AGT: variants seen among roughly 807,000 people sequenced by gnomAD.
AGT encodes the protein angiotensinogen.
AGT carries 26 observed loss-of-function variants against 28.1 expected under a neutral mutation model. That is an observed-to-expected ratio of 0.92 (90% CI 0.68 to 1.28). AGT has a LOEUF of 1.28. Among genes scored for constraint, AGT ranks in the 50% most tolerant of loss-of-function variants. The pLI is 0.00. For synonymous variants in AGT, 259 were observed against 259.6 expected, an observed-to-expected ratio of 1.00 and a Z score of 0.02; for missense variants, 596 against 592.3, an observed-to-expected ratio of 1.01 and a Z score of -0.06.
chr1:230,712,536 A>G (rs905352262), intron 1 of AGT, among the ~76,000 whole-genome samples: 4 of 152,160 alleles, frequency 2.6e-5, no homozygotes, highest in Non-Finnish European at 5.9e-5. Flanking sequence ...ACCAGTTCAC[A>G]CCTAATCTAG....
At chr1:230,719,125 T>G (rs1663795188), upstream of AGT, among the ~76,000 whole-genome samples, 1 of 152,178 alleles carries the variant, frequency 6.6e-6, no homozygotes, top group Non-Finnish European at 1.5e-5. Context: ...GTCGTTTCCA[T>G]ATCCTGGCTA....
At chr1:230,707,016 A>G (rs1430419872) in intron 2 of AGT, among the ~76,000 whole-genome samples, 2 of 152,228 alleles carry the variant, frequency 1.3e-5, no homozygotes, top group Non-Finnish European at 1.5e-5. Flanking sequence ...CGAGGGCTCC[A>G]TTCCTCAGCA....
In AGT at chr1:230,704,252, T is replaced by G; in HGVS notation, c.1183A>C (p.Ile395Leu). ...DLLAQAELPA[I>L]LHTELNLQKL... ...TGCAGGTTCAGCTCGGTGTGCAGAA[T>G]GGCGGGCAGCTCAGCCTGGGCGAGC... Residue 395 changes from isoleucine (I) to leucine (L), a missense_variant, in exon 4 of 5, where the codon ATT (isoleucine) becomes CTT (leucine). Coordinates refer to ENST00000366667, the MANE Select transcript of AGT (RefSeq NM_001384479.1). The G allele has an allele frequency of 3.7e-6, 6 of 1,614,216 alleles. No homozygotes were observed. The highest frequency in any genetic ancestry group is 5.1e-6 in the Non-Finnish European group (6 of 1,180,048).
intron 2 of AGT, among the ~76,000 whole-genome samples, chr1:230,708,860 C>T (rs11568055): frequency 0.019 from 2,937 of 152,298 alleles, 58 homozygotes; most frequent in Non-Finnish European, 0.025. Flanking sequence ...CGTCCCCATT[C>T]CCACACCTAC....
rs114159873 is a variant in AGT, at chr1:230,732,382, C to A, written c.-31+13133G>T. The stretch of plus-strand genomic sequence containing the variant: ...AGTGTCTGGCCAGAGGTAGGTCTCA[C>A]AACTCTCTGTGCCCACCAAGAGCAG... On this transcript the variant is annotated intron_variant, in intron 1 of 4. Coordinates refer to the AGT transcript ENST00000681269. 3.4e-3 allele frequency among the ~76,000 whole-genome samples: 518 copies of A among 152,166 alleles called. 4 individuals are homozygous for A. Among genetic ancestry groups the A allele is most frequent in the African/African-American group, 0.011 (454 of 41,564 alleles).
rs1404758102 is a variant in AGT at position 230,702,920 on chromosome 1, C to T, written c.*221G>A. 2 of 583,422 alleles carry T rather than the reference C, an allele frequency of 3.4e-6. No individual in the cohort carries two copies. The highest frequency in any genetic ancestry group is 1.9e-5 in the African/African-American group (1 of 53,556). 36.1% of individuals were successfully genotyped at this position (583,422 alleles called of 1,614,324 possible). A position where few individuals can be genotyped will look rare whatever the true frequency, so the allele number is the denominator to read the frequency against. Reference sequence around the variant, plus strand: ...AATAAACCCAGCAAACTGGGAGGTGCATTTGTGCCGCTGCAGGCTTCTACT... The same window carrying T: ...AATAAACCCAGCAAACTGGGAGGTGTATTTGTGCCGCTGCAGGCTTCTACT... On this transcript the variant is annotated 3_prime_UTR_variant, in exon 5 of 5. Transcript: ENST00000366667.
chr1:230,710,461 C>T lies in AGT; in HGVS notation c.363G>A (p.Gly121=), dbSNP rs752658346. 1.1e-4 allele frequency: 181 copies of T among 1,614,220 alleles called. No individual in the cohort carries two copies. In the East Asian group the frequency reaches 1.5e-3, roughly 14 times the overall value. The change falls in exon 2 of 5, where the codon GGG becomes GGA. Residue 121 remains glycine (G), a synonymous_variant. Coordinates refer to ENST00000366667, the MANE Select transcript of AGT (RefSeq NM_001384479.1). ...CAGCCGTTGGGGAGAGGACGGTGGCCCCATGGACCACGCCCCATAGCTCAC... is the reference window on the plus strand; with the variant it reads ...CAGCCGTTGGGGAGAGGACGGTGGCTCCATGGACCACGCCCCATAGCTCAC... ...MHSELWGVVH[G]ATVLSPTAVF... is the part of the protein sequence containing the mutation.
chr1:230,717,699 T>C (rs1291516606), upstream of AGT, among the ~76,000 whole-genome samples: 1 of 152,178 alleles, frequency 6.6e-6, no homozygotes, highest in African/African-American at 2.4e-5. Context: ...TCCTTGAAGT[T>C]CCAAGTTTTC....
At chr1:230,717,733 A>G (rs1230877887), upstream of AGT, among the ~76,000 whole-genome samples, 1 of 152,204 alleles carries the variant, frequency 6.6e-6, no homozygotes, top group Admixed American at 6.5e-5. Context: ...GACACTTCCC[A>G]GCATTTCTGG....
chr1:230,727,447 A>T (rs751519702), intron 1 of AGT, among the ~76,000 whole-genome samples: 9 of 152,230 alleles, frequency 5.9e-5, no homozygotes, highest in Admixed American at 2.0e-4. Context: ...ACAAATATTT[A>T]CTGAGGACAT....
chr1:230,704,406 G>A, intron 3 of AGT, 69 bp from the exon 4 acceptor site: 1 of 1,577,248 alleles, frequency 6.3e-7, no homozygotes, highest in Admixed American at 1.8e-5. Flanking sequence ...AGGCCAGGCA[G>A]GCTTATGCTC....
In AGT at chr1:230,710,598, G is replaced by A. The variant is rs773895396; in HGVS notation, c.226C>T (p.Gln76Ter). The change falls in exon 2 of 5, where the codon CAG (glutamine) becomes TAG (stop). Residue 76 changes from glutamine (Q) to a stop codon, truncating the protein, a stop_gained. Coordinates refer to ENST00000366667, the MANE Select transcript of AGT (RefSeq NM_001384479.1). LOFTEE classifies it high-confidence loss of function. ...KTSPVDEKAL[Q>*]DQLVLVAAKL... is the part of the protein sequence containing the mutation. ...GCAGCGACTAGCACCAGCTGGTCCT[G>A]TAGGGCCTTTTCATCCACAGGGGAT... The A allele has an allele frequency of 1.2e-6, 2 of 1,614,288 alleles. No individual in the cohort carries two copies. The highest frequency in any genetic ancestry group is 2.2e-5 in the East Asian group (1 of 44,886).
intron 1 of AGT, among the ~76,000 whole-genome samples, chr1:230,723,357 A>G (rs900970673): frequency 6.6e-6 from 1 of 152,200 alleles, no homozygotes; most frequent in Admixed American, 6.5e-5. Flanking sequence ...CAGCTGAAAA[A>G]CATTCTTAAA....
intron 1 of AGT, among the ~76,000 whole-genome samples, chr1:230,738,556 G>C (rs1664190769): frequency 6.6e-6 from 1 of 152,182 alleles, no homozygotes; most frequent in Non-Finnish European, 1.5e-5. Context: ...ATGACACTTT[G>C]TGAAAGCCAT....
intron 1 of AGT, among the ~76,000 whole-genome samples, chr1:230,735,573 G>A (rs1174110537): frequency 1.3e-5 from 2 of 152,092 alleles, no homozygotes; most frequent in Non-Finnish European, 2.9e-5. Context: ...TAGCAGCTGG[G>A]CCCTGGGCTG....
intron 1 of AGT, among the ~76,000 whole-genome samples, chr1:230,711,449 A>G: frequency 6.6e-6 from 1 of 152,112 alleles, no homozygotes; most frequent in East Asian, 1.9e-4. Flanking sequence ...TGTGGTACTT[A>G]TGGCAGCCCA....
In AGT at chr1:230,710,455, G is replaced by C. The variant is rs201189192; in HGVS notation, c.369C>G (p.Thr123=). 6.2e-7 allele frequency: 1 copy of C among 1,614,204 alleles called. No individual in the cohort carries two copies. ...CAAAGACAGCCGTTGGGGAGAGGAC[G>C]GTGGCCCCATGGACCACGCCCCATA... ...SELWGVVHGA[T]VLSPTAVFGT... Residue 123 remains threonine, a synonymous_variant, in exon 2 of 5, where the codon ACC becomes ACG. Transcript: ENST00000366667.
chr1:230,720,823 C>T (rs1663829108), intron 1 of AGT, among the ~76,000 whole-genome samples: 1 of 152,194 alleles, frequency 6.6e-6, no homozygotes, highest in South Asian at 2.1e-4. Flanking sequence ...ACTTTCCCAC[C>T]TTCTGGTAGG....
At chr1:230,740,738 C>T (rs1410189559) in intron 1 of AGT, among the ~76,000 whole-genome samples, 1 of 152,110 alleles carries the variant, frequency 6.6e-6, no homozygotes, top group African/African-American at 2.4e-5. Flanking sequence ...ATCATGAGGT[C>T]AAGAGATCAA....
Sources: gnomAD v4.1 joint callset for allele counts (sites outside exome capture counted in the v4.1 genomes callset) on GRCh38, gnomAD v4.1.1 for gene constraint, MANE v1.5 for transcripts, NCBI Gene and HGNC (gene_info 2026-07-23, HGNC 2026-07-21) for gene names.